PRKG1: variants seen among roughly 807,000 people sequenced by gnomAD.
PRKG1 encodes cGMP-dependent protein kinase 1.
Under a neutral mutation model 88.1 loss-of-function variants are expected in PRKG1, and 35 were observed. The ratio of observed to expected loss-of-function variants is 0.40; its 90% CI spans 0.30 to 0.53. The LOEUF (loss-of-function observed/expected upper bound fraction) is 0.53. PRKG1 is among the 20% of genes least tolerant of loss of function. PRKG1 has a pLI of 0.59. For missense variants in PRKG1, 540 were observed against 839.8 expected, an observed-to-expected ratio of 0.64 and a Z score of 4.41; for synonymous variants, 303 against 292.5, an observed-to-expected ratio of 1.04 and a Z score of -0.37.
chr10:51,232,556 C>CGAAT (rs1836182581), intron 2 of PRKG1, among the ~76,000 whole-genome samples: 1 of 89,888 alleles, frequency 1.1e-5, no homozygotes, highest in Non-Finnish European at 2.1e-5. Context: ...TTATTCTATA[C>CGAAT]CGTCATTCAA....
intron 12 of PRKG1, among the ~76,000 whole-genome samples, chr10:52,279,342 G>A (rs898764233): frequency 2.0e-5 from 3 of 152,084 alleles, no homozygotes; most frequent in African/African-American, 7.2e-5. Context: ...GTTCCATTCA[G>A]ATATTATTCA....
intron 1 of PRKG1, among the ~76,000 whole-genome samples, chr10:51,086,035 T>C (rs554986508): frequency 3.0e-4 from 46 of 152,352 alleles, no homozygotes; most frequent in African/African-American, 1.1e-3. Context: ...CCAGATGTTT[T>C]ACCATTACTT....
intron 2 of PRKG1, among the ~76,000 whole-genome samples, chr10:51,343,256 A>G (rs1053813025): frequency 6.6e-6 from 1 of 152,090 alleles, no homozygotes; most frequent in African/African-American, 2.4e-5. Context: ...AATTCTCTGT[A>G]TCTCCAGTTC....
chr10:51,698,588 G>T, intron 3 of PRKG1: 1 of 1,613,868 alleles, frequency 6.2e-7, no homozygotes. Flanking sequence ...CAGACCACCA[G>T]GAGTCACGGG....
chr10:51,651,729 G>C (rs1008509393), intron 3 of PRKG1, among the ~76,000 whole-genome samples: 12 of 151,746 alleles, frequency 7.9e-5, no homozygotes. Flanking sequence ...GACTACAGGT[G>C]CACGTCACCA....
At chr10:51,969,391 G>A (rs1214371544) in intron 5 of PRKG1, among the ~76,000 whole-genome samples, 1 of 152,088 alleles carries the variant, frequency 6.6e-6, no homozygotes, top group Non-Finnish European at 1.5e-5. Context: ...ACAGATAAAA[G>A]TACTACCCAT....
chr10:52,150,632 G>T (rs778675519), intron 8 of PRKG1, among the ~76,000 whole-genome samples: 2 of 152,096 alleles, frequency 1.3e-5, no homozygotes, highest in African/African-American at 4.8e-5. Context: ...TGTAATGAGA[G>T]CAGAAATAAA....
At chr10:51,085,951 T>G (rs941989589) in intron 1 of PRKG1, among the ~76,000 whole-genome samples, 4 of 152,208 alleles carry the variant, frequency 2.6e-5, no homozygotes, top group African/African-American at 9.6e-5. Flanking sequence ...TTCTTCAAAA[T>G]TTTACTTCGA....
chr10:51,863,088 AT>A (rs1204054088), intron 4 of PRKG1, among the ~76,000 whole-genome samples: 15 of 151,744 alleles, frequency 9.9e-5, no homozygotes, highest in Admixed American at 4.6e-4. Flanking sequence ...CCACTCCCAT[AT>A]TTTTCATCAT....
At chr10:51,454,384 TAA>T (rs925517820) in intron 2 of PRKG1, among the ~76,000 whole-genome samples, 1 of 149,164 alleles carries the variant, frequency 6.7e-6, no homozygotes, top group Admixed American at 6.7e-5. Flanking sequence ...ATGGTACTGG[TAA>T]AAAAAAATAG....
chr10:51,057,131 C>T (rs568486431), intron 1 of PRKG1, among the ~76,000 whole-genome samples: 91 of 152,224 alleles, frequency 6.0e-4, no homozygotes, highest in African/African-American at 2.0e-3. Flanking sequence ...ACATCATGTG[C>T]GTATGCACAC....
At chr10:52,156,607 C>T (rs1838109429) in intron 8 of PRKG1, among the ~76,000 whole-genome samples, 1 of 151,454 alleles carries the variant, frequency 6.6e-6, no homozygotes, top group Admixed American at 6.6e-5. Context: ...ATTTTTTCTC[C>T]AAGGAAACAT....
Position 52,161,923 on chromosome 10 carries a change from G to A in PRKG1, c.1036G>A (p.Val346Ile), listed in dbSNP as rs1453667439. 1.9e-6 allele frequency: 3 copies of A among 1,612,612 alleles called. No homozygotes were observed. Among genetic ancestry groups the A allele is most frequent in the Non-Finnish European group, 2.5e-6 (3 of 1,179,368 alleles). The change falls in exon 9 of 18, where the codon GTT becomes ATT. Residue 346 changes from valine to isoleucine, a missense_variant. Physicochemically the swap from Val to Ile is conservative, Grantham distance 29 (BLOSUM62 3). Coordinates refer to ENST00000373980, the MANE Select transcript of PRKG1 (RefSeq NM_006258.4). ...FKHLIGGLDDVSNKAYEDAEA... is the reference protein window; with the variant it reads ...FKHLIGGLDDISNKAYEDAEA... ...ACATTTGATTGGAGGGCTGGATGAT[G>A]TTTCTAATAAAGCATATGAAGATGC...
intron 8 of PRKG1, among the ~76,000 whole-genome samples, chr10:52,143,606 CT>C (rs1362261987): frequency 1.3e-5 from 2 of 152,104 alleles, no homozygotes; most frequent in African/African-American, 4.8e-5. Context: ...AAAGGGAGAG[CT>C]TTAAAACCAC....
chr10:52,060,843 A>G (rs1052345274), intron 6 of PRKG1, among the ~76,000 whole-genome samples: 2 of 152,002 alleles, frequency 1.3e-5, no homozygotes, highest in African/African-American at 4.8e-5. Flanking sequence ...CATGCATAAG[A>G]ATGTTCACAG....
intron 4 of PRKG1, among the ~76,000 whole-genome samples, chr10:51,902,795 T>C (rs1236920465): frequency 6.6e-6 from 1 of 152,182 alleles, no homozygotes; most frequent in East Asian, 1.9e-4. Flanking sequence ...AAAGTGATAA[T>C]ATCATTCTAT....
chr10:51,552,124 T>G (rs2132129961), intron 3 of PRKG1, among the ~76,000 whole-genome samples: 1 of 151,772 alleles, frequency 6.6e-6, no homozygotes, highest in Admixed American at 6.6e-5. Flanking sequence ...AAAGAAATAC[T>G]TTCAGTCTTA....
chr10:52,038,421 C>T (rs567336783), intron 5 of PRKG1, among the ~76,000 whole-genome samples: 2 of 149,964 alleles, frequency 1.3e-5, no homozygotes, highest in African/African-American at 2.5e-5. Flanking sequence ...AATAAGGGGT[C>T]GAGCATGGAA....
At chr10:51,686,359 C>T (rs1840990921) in intron 3 of PRKG1, among the ~76,000 whole-genome samples, 5 of 152,040 alleles carry the variant, frequency 3.3e-5, no homozygotes, top group Admixed American at 1.3e-4. Context: ...CATGTGTTCT[C>T]GTTCGGCTCC....
Sources: allele counts gnomAD v4.1 joint callset (sites outside exome capture counted in the v4.1 genomes callset), GRCh38; gene constraint gnomAD v4.1.1; transcripts MANE v1.5; gene names NCBI Gene and HGNC (gene_info 2026-07-23, HGNC 2026-07-21).